The following ADAM9 variants were observed in gnomAD, a reference collection of about 807,000 sequenced individuals.
The protein encoded by ADAM9 is ADAM metallopeptidase domain 9.
ADAM9 carries 54 observed loss-of-function variants against 108.1 expected under a neutral mutation model. The ratio of observed to expected loss-of-function variants is 0.50; its 90% CI spans 0.40 to 0.63. The LOEUF (loss-of-function observed/expected upper bound fraction) is 0.63. Among genes scored for constraint, ADAM9 ranks in the 20% least tolerant of loss-of-function variants. The pLI is 0.00. For missense variants in ADAM9, 830 were observed against 997.7 expected, an observed-to-expected ratio of 0.83 and a Z score of 2.26; for synonymous variants, 316 against 336.0, an observed-to-expected ratio of 0.94 and a Z score of 0.65.
chr8:39,025,813 T>G lies in ADAM9; in HGVS notation c.925T>G (p.Phe309Val). ...TACATTTTCATTTAGAAAGAAAGGTTTTGGTGGAACTGCAGGAATGGCATT... is the reference window on the plus strand; with the variant it reads ...TACATTTTCATTTAGAAAGAAAGGTGTTGGTGGAACTGCAGGAATGGCATT... The part of the protein sequence containing the change: ...DSAQLVLKKG[F>V]GGTAGMAFVG... The change falls in exon 10 of 22, where the codon TTT becomes GTT. Residue 309 changes from phenylalanine to valine, a missense_variant. By Grantham distance (50) the Phe-to-Val change is conservative. Coordinates refer to ENST00000487273, the MANE Select transcript of ADAM9 (RefSeq NM_003816.3). 1 of 1,614,086 alleles carries G rather than the reference T, an allele frequency of 6.2e-7. No homozygotes were observed. Among genetic ancestry groups the G allele is most frequent in the Non-Finnish European group, 8.5e-7 (1 of 1,180,000 alleles).
chr8:39,050,341 T>C (rs1217369806), intron 12 of ADAM9, among the ~76,000 whole-genome samples: 1 of 152,202 alleles, frequency 6.6e-6, no homozygotes, highest in Non-Finnish European at 1.5e-5. Flanking sequence ...CTCTTTGAAA[T>C]AAGCTTTTTG....
chr8:39,054,602 GAAA>G (rs755442483), intron 13 of ADAM9, 29 bp downstream of exon 13: 6,465 of 937,436 alleles, frequency 6.9e-3, no homozygotes, highest in African/African-American at 0.015. Flanking sequence ...TTGGAAACAG[GAAA>G]AAAAAAAAAA....
intron 20 of ADAM9, among the ~76,000 whole-genome samples, chr8:39,092,443 T>G (rs1839387751): frequency 6.6e-6 from 1 of 152,044 alleles, no homozygotes; most frequent in African/African-American, 2.4e-5. Context: ...ATCTTGGAGA[T>G]TTTTCCATGT....
At position 39,090,726 on chromosome 8, in the gene ADAM9, G is replaced by T. The variant is rs537073096; in HGVS notation, c.2211-533G>T. Among the ~76,000 whole-genome samples, 7 of 152,214 alleles carry T rather than the reference G, an allele frequency of 4.6e-5. 1 individual carries two copies. In the South Asian group the frequency reaches 1.5e-3, roughly 32 times the overall value. On this transcript the variant is annotated intron_variant, in intron 19 of 21. Coordinates refer to ENST00000487273, the MANE Select transcript of ADAM9 (RefSeq NM_003816.3). ...TGATAGAGGACTAAGTAGATACTTC[G>T]TATCATACTTCCAACTGACCAGTCT...
chr8:39,017,791 T>G (rs972524256), intron 6 of ADAM9, among the ~76,000 whole-genome samples: 1 of 152,018 alleles, frequency 6.6e-6, no homozygotes, highest in Non-Finnish European at 1.5e-5. Context: ...TGAGGTCTCA[T>G]TACATTACCC....
intron 21 of ADAM9, among the ~76,000 whole-genome samples, chr8:39,102,134 A>C (rs1304565869): frequency 6.6e-6 from 1 of 152,234 alleles, no homozygotes; most frequent in Non-Finnish European, 1.5e-5. Context: ...ATATTAAATA[A>C]GCTTGAGCAA....
Position 39,104,200 on chromosome 8 carries a change from A to G in ADAM9, c.*500A>G, listed in dbSNP as rs1839791418. 2 of 454,006 alleles carry G rather than the reference A, an allele frequency of 4.4e-6. No individual in the cohort carries two copies. Among genetic ancestry groups the G allele is most frequent in the Admixed American group, 2.3e-5 (1 of 42,562 alleles). The allele number at this position is 454,006 out of a possible 1,614,324, so 28.1% of individuals were successfully genotyped here. Reference sequence around the variant, plus strand: ...CACGAATTAATAATCATCATACTCTAGAATCTTGTCTGTCACTCACTACAT... The same window carrying G: ...CACGAATTAATAATCATCATACTCTGGAATCTTGTCTGTCACTCACTACAT... On this transcript the variant is annotated 3_prime_UTR_variant, in exon 22 of 22. Transcript: ENST00000487273.
At chr8:39,092,391 A>G (rs1839385880) in intron 20 of ADAM9, among the ~76,000 whole-genome samples, 1 of 151,992 alleles carries the variant, frequency 6.6e-6, no homozygotes, top group South Asian at 2.1e-4. Context: ...CTTTATAAAA[A>G]GGAGACAAAA....
Position 39,104,611 on chromosome 8 carries a change from C to G in ADAM9, c.*911C>G, listed in dbSNP as rs1395777058. The G allele has an allele frequency of 2.3e-6, 1 of 427,546 alleles. No individual in the cohort carries two copies. Among genetic ancestry groups the G allele is most frequent in the East Asian group, 7.0e-5 (1 of 14,200 alleles). The allele number at this position is 427,546 out of a possible 1,614,324, so 26.5% of individuals were successfully genotyped here. ...GAGAATTTCATGAGCACTTTAAAAT[C>G]TGAACTTTCAAAGCTTGCTATTAAA... On this transcript the variant is annotated 3_prime_UTR_variant, in exon 22 of 22. Coordinates refer to ENST00000487273, the MANE Select transcript of ADAM9 (RefSeq NM_003816.3).
At chr8:39,049,654 G>A (rs866092797) in intron 12 of ADAM9, among the ~76,000 whole-genome samples, 38 of 152,106 alleles carry the variant, frequency 2.5e-4, no homozygotes, top group Admixed American at 7.2e-4. Context: ...GTCCAGGCTG[G>A]TCTCGAACTC....
chr8:39,065,908 C>T lies in ADAM9; in HGVS notation c.1592-5390C>T, dbSNP rs182320623. On this transcript the variant is annotated intron_variant, in intron 14 of 21. Coordinates refer to ENST00000487273, the MANE Select transcript of ADAM9 (RefSeq NM_003816.3). ...TAATGCTATCCCTTCCCACTCCCCCCACCCCATGACAGGCCCCGGTGTGTG... is the reference window on the plus strand; with the variant it reads ...TAATGCTATCCCTTCCCACTCCCCCTACCCCATGACAGGCCCCGGTGTGTG... 2.2e-4 allele frequency among the ~76,000 whole-genome samples: 34 copies of T among 152,266 alleles called. No homozygotes were observed. The South Asian group carries it at 7.1e-3, about 32-fold the overall frequency.
chr8:39,016,925 C>T (rs12056655), intron 5 of ADAM9: 103,321 of 398,936 alleles, frequency 0.26, 14,134 homozygotes, highest in South Asian at 0.31. Flanking sequence ...AGACTCTTGT[C>T]CTCTGGTCCG....
intron 20 of ADAM9, among the ~76,000 whole-genome samples, chr8:39,092,254 A>G (rs1839379657): frequency 6.6e-6 from 1 of 151,940 alleles, no homozygotes; most frequent in Non-Finnish European, 1.5e-5. Flanking sequence ...ATTTATCTCT[A>G]TCGATAGATA....
chr8:39,010,451 A>G (rs535736178), intron 2 of ADAM9, among the ~76,000 whole-genome samples: 47 of 152,316 alleles, frequency 3.1e-4, no homozygotes, highest in African/African-American at 1.1e-3. Flanking sequence ...TCAGAGGCAG[A>G]TGTGCCGTGG....
At chr8:39,075,614 A>G (rs1388624652) in intron 15 of ADAM9, among the ~76,000 whole-genome samples, 1 of 152,148 alleles carries the variant, frequency 6.6e-6, no homozygotes, top group East Asian at 1.9e-4. Context: ...TTTCTGTTGA[A>G]GTGATTTTCT....
intron 16 of ADAM9, among the ~76,000 whole-genome samples, chr8:39,078,619 A>G (rs1838924231): frequency 6.6e-6 from 1 of 152,050 alleles, no homozygotes; most frequent in South Asian, 2.1e-4. Flanking sequence ...TCGTCTCTAC[A>G]GAAAATACAA....
chr8:38,998,630 T>C (rs971254211), intron 1 of ADAM9, among the ~76,000 whole-genome samples: 1 of 152,200 alleles, frequency 6.6e-6, no homozygotes, highest in Non-Finnish European at 1.5e-5. Flanking sequence ...TGACCAAATA[T>C]GCTAAGCGCA....
intron 11 of ADAM9, among the ~76,000 whole-genome samples, chr8:39,038,634 T>C (rs995416072): frequency 3.3e-5 from 5 of 152,240 alleles, no homozygotes; most frequent in African/African-American, 1.2e-4. Flanking sequence ...TTTTGTCTGC[T>C]ATGTTCACAG....
chr8:39,016,009 T>C, intron 4 of ADAM9, 109 bp from the exon 5 acceptor site: 1 of 988,228 alleles, frequency 1.0e-6, no homozygotes, highest in Non-Finnish European at 1.6e-6. Flanking sequence ...TAAAACTTTG[T>C]TATTATTAAA....
Sources: allele counts gnomAD v4.1 joint callset (sites outside exome capture counted in the v4.1 genomes callset), GRCh38; gene constraint gnomAD v4.1.1; transcripts MANE v1.5; gene names NCBI Gene and HGNC (gene_info 2026-07-23, HGNC 2026-07-21).